The following PRKN variants were observed in gnomAD, a reference collection of about 807,000 sequenced individuals.
The protein encoded by PRKN is E3 ubiquitin-protein ligase parkin.
Under a neutral mutation model 59.5 loss-of-function variants are expected in PRKN, and 56 were observed. That is an observed-to-expected ratio of 0.94 (90% CI 0.76 to 1.18). The LOEUF (loss-of-function observed/expected upper bound fraction) is 1.18, where lower values mean the gene tolerates loss of function less well. Ranked by LOEUF, PRKN falls within the 50% of genes most tolerant of loss-of-function variation. The pLI, the probability that PRKN is intolerant of heterozygous loss-of-function variation, is 0.00. For synonymous variants in PRKN, 250 were observed against 222.1 expected (o/e 1.13, Z -1.12); for missense variants, 657 against 596.4 (o/e 1.10, Z -1.06).
At chr6:162,257,561 A>G (rs1214970803) in intron 3 of PRKN, among the ~76,000 whole-genome samples, 1 of 152,000 alleles carries the variant, frequency 6.6e-6, no homozygotes, top group East Asian at 1.9e-4. Context: ...TACGGCTTGA[A>G]TTGTCTGGGT....
chr6:162,076,984 C>G (rs540090246), intron 4 of PRKN, among the ~76,000 whole-genome samples: 4 of 152,172 alleles, frequency 2.6e-5, no homozygotes, highest in Middle Eastern at 6.8e-3. Context: ...CTCACTCATC[C>G]ACAACGCCGT....
chr6:162,654,466 G>A (rs941526594), intron 1 of PRKN, among the ~76,000 whole-genome samples: 2 of 152,100 alleles, frequency 1.3e-5, no homozygotes, highest in Non-Finnish European at 2.9e-5. Context: ...CACGATTTGT[G>A]CCACACACAT....
At chr6:162,403,315 C>T (rs1739032915) in intron 2 of PRKN, among the ~76,000 whole-genome samples, 1 of 152,086 alleles carries the variant, frequency 6.6e-6, no homozygotes. Context: ...TAATCTCATT[C>T]TTCCCCATGC....
In PRKN at chr6:162,657,279, T is replaced by G. The variant is rs148094912; in HGVS notation, c.7+70383A>C. On this transcript the variant is annotated intron_variant, in intron 1 of 11. Coordinates refer to ENST00000366898, the MANE Select transcript of PRKN (RefSeq NM_004562.3). ...AAACAGACATATTTTGTATATTATA[T>G]ATAGTATTCTATTCATTTGATACTA... Among the ~76,000 whole-genome samples the G allele has an allele frequency of 3.3e-5, 5 of 152,312 alleles. No homozygotes were observed. In the East Asian group the frequency reaches 9.7e-4, roughly 29 times the overall value.
In PRKN at chr6:161,419,395, C is replaced by CT. The variant is rs11291587; in HGVS notation, c.1084-32519dup. On this transcript the variant is annotated intron_variant, in intron 9 of 11. Coordinates refer to ENST00000366898, the MANE Select transcript of PRKN (RefSeq NM_004562.3). The surrounding 1 kb of genome is among the most constrained non-coding windows in gnomAD (Gnocchi z 4.1). Reference sequence around the variant, plus strand: ...CTTTCCTTTTTTCTTTTTTCTTCTTCTTTTTTTTTTTAAATGGAGTCTCGC... The same window carrying CT: ...CTTTCCTTTTTTCTTTTTTCTTCTTCTTTTTTTTTTTTAAATGGAGTCTCGC... Among the ~76,000 whole-genome samples, 2 of 149,458 alleles carry CT rather than the reference C, an allele frequency of 1.3e-5. No homozygotes were observed. Among genetic ancestry groups the CT allele is most frequent in the East Asian group, 2.0e-4 (1 of 5,058 alleles).
At chr6:161,965,745 G>A (rs1170537358) in intron 6 of PRKN, among the ~76,000 whole-genome samples, 1 of 152,008 alleles carries the variant, frequency 6.6e-6, no homozygotes, top group African/African-American at 2.4e-5. Flanking sequence ...GGGGCTTCCA[G>A]CCTATAGGTA....
chr6:162,323,433 A>G lies in PRKN; in HGVS notation c.172-60668T>C, dbSNP rs192326186. 4.2e-3 allele frequency among the ~76,000 whole-genome samples: 546 copies of G among 130,068 alleles called. 2 individuals carry two copies. Among genetic ancestry groups the G allele is most frequent in the African/African-American group, 0.016 (527 of 33,974 alleles). The allele number at this position is 130,068 out of a possible 152,430, so 85.3% of individuals were successfully genotyped here. A position where few individuals can be genotyped will look rare whatever the true frequency, so the allele number is the denominator to read the frequency against. On this transcript the variant is annotated intron_variant, in intron 2 of 11. Transcript: ENST00000366898. ...TGACTGTCAAAATAAAAAAAATTAA[A>G]GACTTCAAATTTAAAGATTTTTTTA... is the stretch of plus-strand genomic sequence containing the variant.
rs1477213359 is a variant in PRKN at position 161,593,332 on chromosome 6, T to G, written c.872-23916A>C. Among the ~76,000 whole-genome samples the G allele has an allele frequency of 6.6e-6, 1 of 152,164 alleles. No individual in the cohort carries two copies. The highest frequency in any genetic ancestry group is 6.5e-5 in the Admixed American group (1 of 15,274). On this transcript the variant is annotated intron_variant, in intron 7 of 11. Transcript: ENST00000366898. This position sits in a 1 kb window ranked among gnomAD's most constrained non-coding sequence, Gnocchi z 4.8. The stretch of plus-strand genomic sequence containing the variant: ...ATTTTCATTATCCCCATTTAATGGA[T>G]GAGGACAGTGAGGCAGGGAAAGGTG...
Position 161,349,945 on chromosome 6 carries a change from C to A in PRKN, c.*154G>T, listed in dbSNP as rs951001614. ...GAAAGGGATCCAGGAGTTTCTTCTG[C>A]AATTTGGCTGTAGTTGGACTTTGAA... On this transcript the variant is annotated 3_prime_UTR_variant, in exon 12 of 12. Coordinates refer to ENST00000366898, the MANE Select transcript of PRKN (RefSeq NM_004562.3). This position sits in a 1 kb window ranked among gnomAD's most constrained non-coding sequence, Gnocchi z 5.5. The A allele has an allele frequency of 4.4e-6, 3 of 674,900 alleles. No homozygotes were observed. The highest frequency in any genetic ancestry group is 8.2e-6 in the Non-Finnish European group (3 of 367,318). 41.8% of individuals were successfully genotyped at this position (674,900 alleles called of 1,614,324 possible).
Position 161,386,762 on chromosome 6 carries a change from CT to C in PRKN, c.1167+31del, listed in dbSNP as rs1297185983. 1 of 1,532,136 alleles carries C rather than the reference CT, an allele frequency of 6.5e-7. No homozygotes were observed. Among genetic ancestry groups the C allele is most frequent in the South Asian group, 1.1e-5 (1 of 89,246 alleles). 94.9% of individuals were successfully genotyped at this position (1,532,136 alleles called of 1,614,324 possible). ...CCAGTCCCCCACTGTATCCGGAGCC[CT>C]GCTTGGAGGAATGAGTAGGGCATTC... is the stretch of plus-strand genomic sequence containing the variant. On this transcript the variant is annotated intron_variant, in intron 10 of 11. Transcript: ENST00000366898. The surrounding 1 kb of genome is among the most constrained non-coding windows in gnomAD (Gnocchi z 4.3).
At chr6:161,383,188 T>A (rs1383166278) in intron 10 of PRKN, among the ~76,000 whole-genome samples, 1 of 152,188 alleles carries the variant, frequency 6.6e-6, no homozygotes, top group Non-Finnish European at 1.5e-5. Flanking sequence ...ACCATGCTGC[T>A]TGAGAGAAAT....
intron 1 of PRKN, among the ~76,000 whole-genome samples, chr6:162,603,107 G>T (rs1056969377): frequency 3.9e-5 from 6 of 152,114 alleles, no homozygotes; most frequent in African/African-American, 1.4e-4. Flanking sequence ...TGTTTCTTAT[G>T]AATGAATTGT....
At chr6:162,041,112 G>A (rs561798668) in intron 5 of PRKN, among the ~76,000 whole-genome samples, 1 of 152,156 alleles carries the variant, frequency 6.6e-6, no homozygotes. Flanking sequence ...TTGAACCTAG[G>A]AGGCAGGGGT....
At chr6:161,885,277 A>G (rs1795092082) in intron 6 of PRKN, among the ~76,000 whole-genome samples, 1 of 152,144 alleles carries the variant, frequency 6.6e-6, no homozygotes, top group Admixed American at 6.5e-5. Flanking sequence ...AGCGTATGGG[A>G]AGTGCTAGTT....
rs1772632013 is a variant in PRKN at position 161,473,840 on chromosome 6, A to G, written c.1083+75014T>C. Among the ~76,000 whole-genome samples, 1 of 152,184 alleles carries G rather than the reference A, an allele frequency of 6.6e-6. No individual in the cohort carries two copies. The highest frequency in any genetic ancestry group is 2.1e-4 in the South Asian group (1 of 4,820). On this transcript the variant is annotated intron_variant, in intron 9 of 11. Transcript: ENST00000366898. This position sits in a 1 kb window ranked among gnomAD's most constrained non-coding sequence, Gnocchi z 4.1. The stretch of plus-strand genomic sequence containing the variant: ...AATATGTTGTACACCTTAACTATAT[A>G]TAATAGAAAAATAAGTAAATAAGAA...
intron 9 of PRKN, among the ~76,000 whole-genome samples, chr6:161,415,838 C>T (rs1386693972): frequency 3.3e-5 from 5 of 151,868 alleles, no homozygotes; most frequent in Admixed American, 6.6e-5. Flanking sequence ...CCACTGCGTC[C>T]CTCTCTCCCC....
intron 7 of PRKN, among the ~76,000 whole-genome samples, chr6:161,712,344 A>C (rs1445022026): frequency 6.6e-6 from 1 of 151,964 alleles, no homozygotes; most frequent in Non-Finnish European, 1.5e-5. Flanking sequence ...GTGGGCAGGA[A>C]GCTGGGTTAG....
rs118030956 is a variant in PRKN at position 162,041,124 on chromosome 6, G to A, written c.618+12967C>T. Among the ~76,000 whole-genome samples the A allele has an allele frequency of 5.6e-4, 86 of 152,238 alleles. No individual in the cohort carries two copies. In the East Asian group the frequency reaches 0.016, roughly 28 times the overall value. ...CACTTGAACCTAGGAGGCAGGGGTT[G>A]CGACCAGCTGAGATCGCACCACTGC... On this transcript the variant is annotated intron_variant, in intron 5 of 11. Coordinates refer to ENST00000366898, the MANE Select transcript of PRKN (RefSeq NM_004562.3).
At chr6:162,533,259 C>T (rs538740360) in intron 1 of PRKN, among the ~76,000 whole-genome samples, 86 of 152,282 alleles carry the variant, frequency 5.6e-4, no homozygotes, top group African/African-American at 1.9e-3. Context: ...CGCGGTGGCT[C>T]ACGCCTATAA....
Sources: allele counts gnomAD v4.1 joint callset (sites outside exome capture counted in the v4.1 genomes callset), GRCh38; gene constraint gnomAD v4.1.1; non-coding constraint Gnocchi (gnomAD v3.1); transcripts MANE v1.5; gene names NCBI Gene and HGNC (gene_info 2026-07-23, HGNC 2026-07-21).